ESRP1: variants seen among roughly 807,000 people sequenced by gnomAD.
ESRP1 encodes the protein epithelial splicing regulatory protein 1, also known as RNA-binding motif protein 35A.
ESRP1 carries 33 observed loss-of-function variants against 81.7 expected under a neutral mutation model. That is an observed-to-expected ratio of 0.40 (90% CI 0.31 to 0.54). ESRP1 has a LOEUF of 0.54. ESRP1 is among the 20% of genes least tolerant of loss of function. ESRP1 has a pLI of 0.41. For missense variants in ESRP1, 672 were observed against 833.1 expected, an observed-to-expected ratio of 0.81 and a Z score of 2.38; for synonymous variants, 320 against 303.3, an observed-to-expected ratio of 1.06 and a Z score of -0.57.
chr8:94,663,132 C>T (rs1449336535), intron 6 of ESRP1, among the ~76,000 whole-genome samples: 1 of 152,034 alleles, frequency 6.6e-6, no homozygotes, highest in African/African-American at 2.4e-5. Context: ...TTTTGGTCTC[C>T]CCAAACTATC....
rs567681008 is a variant in ESRP1, at chr8:94,659,372, C to T, written c.491-2900C>T. On this transcript the variant is annotated intron_variant, in intron 4 of 15. Transcript: ENST00000433389. ...TTACTGGTGTAATTGTTTTGGGGCA[C>T]CATAAAGCAGGGCCATATTAGGTGG... 2.0e-4 allele frequency among the ~76,000 whole-genome samples: 30 copies of T among 152,192 alleles called. No individual in the cohort carries two copies. The South Asian group carries it at 6.0e-3, about 31-fold the overall frequency.
intron 10 of ESRP1, 34 bp downstream of exon 10, chr8:94,668,284 C>A: frequency 6.6e-7 from 1 of 1,514,348 alleles, no homozygotes; most frequent in Non-Finnish European, 8.9e-7. Flanking sequence ...TGTACCTTTG[C>A]ATTAATTTCT....
At position 94,678,371 on chromosome 8, in the gene ESRP1, G is replaced by C; in HGVS notation, c.1820G>C (p.Ser607Thr). ...ATGAATTACACAGCGTACTATCCCAGGTAAGGCTCTGACAGAGGTGGAAAT... is the reference window on the plus strand; with the variant it reads ...ATGAATTACACAGCGTACTATCCCACGTAAGGCTCTGACAGAGGTGGAAAT... ...LFMNYTAYYP[S>T]PPGSPNSLGY... Residue 607 changes from serine to threonine, a missense_variant and splice_region_variant, in exon 13 of 16, where the codon AGC becomes ACC. Ser to Thr is a moderately conservative substitution (Grantham distance 58). Coordinates refer to ENST00000433389, the MANE Select transcript of ESRP1 (RefSeq NM_017697.4). The C allele has an allele frequency of 6.2e-7, 1 of 1,611,574 alleles. No individual in the cohort carries two copies. Among genetic ancestry groups the C allele is most frequent in the South Asian group, 1.1e-5 (1 of 90,604 alleles).
chr8:94,673,374 G>A lies in ESRP1; in HGVS notation c.1453-934G>A, dbSNP rs997479707. On this transcript the variant is annotated intron_variant, in intron 11 of 15. Coordinates refer to ENST00000433389, the MANE Select transcript of ESRP1 (RefSeq NM_017697.4). ...TGCACAAACTCTTAGGTGCCTTGAG[G>A]ATGTTAGGTTTCCATCTTGGACTGG... Among the ~76,000 whole-genome samples the A allele has an allele frequency of 9.9e-5, 15 of 152,190 alleles. 1 individual carries two copies. The highest frequency in any genetic ancestry group is 1.8e-4 in the Non-Finnish European group (12 of 68,034).
intron 2 of ESRP1, among the ~76,000 whole-genome samples, 195 bp from the exon 3 acceptor site, chr8:94,643,108 T>C (rs1008398042): frequency 6.6e-6 from 1 of 152,186 alleles, no homozygotes; most frequent in Non-Finnish European, 1.5e-5. Flanking sequence ...AACTGCGGAT[T>C]GATTGGAAAG....
Position 94,641,942 on chromosome 8 carries a change from C to G in ESRP1, c.133-14C>G, listed in dbSNP as rs1348154308. 3 of 1,613,430 alleles carry G rather than the reference C, an allele frequency of 1.9e-6. No homozygotes were observed. The highest frequency in any genetic ancestry group is 2.5e-6 in the Non-Finnish European group (3 of 1,179,518). Reference sequence around the variant, plus strand: ...AATTGGGGGAAACTGACCCGTGCTTCTCTACCTTCGGAGGTGGGACAGTTG... The same window carrying G: ...AATTGGGGGAAACTGACCCGTGCTTGTCTACCTTCGGAGGTGGGACAGTTG... On this transcript the variant is annotated splice_polypyrimidine_tract_variant and intron_variant, in intron 1 of 15. Coordinates refer to ENST00000433389, the MANE Select transcript of ESRP1 (RefSeq NM_017697.4).
intron 13 of ESRP1, among the ~76,000 whole-genome samples, chr8:94,691,050 G>C (rs1341641461): frequency 6.6e-6 from 1 of 152,168 alleles, no homozygotes; most frequent in East Asian, 1.9e-4. Flanking sequence ...CAAAAATGAA[G>C]AGGTATGACT....
intron 4 of ESRP1, among the ~76,000 whole-genome samples, chr8:94,656,917 T>C (rs984292248): frequency 2.0e-5 from 3 of 152,210 alleles, no homozygotes; most frequent in African/African-American, 7.2e-5. Flanking sequence ...TTTTAGGTAA[T>C]TGGGAAGGAT....
At chr8:94,662,426 C>T (rs928808045) in intron 5 of ESRP1, 56 bp downstream of exon 5, 4 of 1,537,654 alleles carry the variant, frequency 2.6e-6, no homozygotes, top group Non-Finnish European at 3.5e-6. Context: ...TTTTCTCTTA[C>T]CTATACTCAA....
At chr8:94,699,175 G>A (rs1023883288) in intron 15 of ESRP1, among the ~76,000 whole-genome samples, 7 of 152,128 alleles carry the variant, frequency 4.6e-5, no homozygotes, top group African/African-American at 1.7e-4. Context: ...CACCAGAAAT[G>A]TCCTAAACTG....
At chr8:94,682,788 T>C (rs1808947843) in intron 13 of ESRP1, among the ~76,000 whole-genome samples, 1 of 150,278 alleles carries the variant, frequency 6.7e-6, no homozygotes, top group African/African-American at 2.5e-5. Context: ...GAATAACCAT[T>C]GTCTTTCTTG....
chr8:94,668,373 A>G (rs1819127997), intron 10 of ESRP1, 123 bp downstream of exon 10: 1 of 923,472 alleles, frequency 1.1e-6, no homozygotes, highest in Non-Finnish European at 1.6e-6. Context: ...GTGTAACTGC[A>G]TGAAAATAGT....
Position 94,641,945 on chromosome 8 carries a change from T to C in ESRP1, c.133-11T>C. On this transcript the variant is annotated splice_polypyrimidine_tract_variant and intron_variant, in intron 1 of 15. Transcript: ENST00000433389. ...TGGGGGAAACTGACCCGTGCTTCTC[T>C]ACCTTCGGAGGTGGGACAGTTGCAC... The C allele has an allele frequency of 6.2e-7, 1 of 1,613,138 alleles. No homozygotes were observed. Among genetic ancestry groups the C allele is most frequent in the South Asian group, 1.1e-5 (1 of 91,064 alleles).
intron 13 of ESRP1, among the ~76,000 whole-genome samples, chr8:94,681,632 G>T (rs1441260278): frequency 1.3e-5 from 2 of 151,300 alleles, no homozygotes; most frequent in African/African-American, 4.9e-5. Flanking sequence ...GCGAGACTCC[G>T]TCTCAAAAAA....
At chr8:94,645,374 G>A in intron 3 of ESRP1, among the ~76,000 whole-genome samples, 1 of 151,740 alleles carries the variant, frequency 6.6e-6, no homozygotes, top group East Asian at 1.9e-4. Flanking sequence ...TCTGAATTGA[G>A]TTTTTAAAAG....
chr8:94,685,189 A>G (rs898448519), intron 13 of ESRP1, among the ~76,000 whole-genome samples: 1 of 152,160 alleles, frequency 6.6e-6, no homozygotes, highest in African/African-American at 2.4e-5. Context: ...GAAGAGTATT[A>G]TAAGTCTTAT....
At chr8:94,657,478 T>C (rs1485137586) in intron 4 of ESRP1, among the ~76,000 whole-genome samples, 2 of 149,408 alleles carry the variant, frequency 1.3e-5, no homozygotes, top group Non-Finnish European at 3.0e-5. Context: ...TGTGCGTGTG[T>C]GTGTGTGTGT....
chr8:94,689,316 G>T (rs1175343716), intron 13 of ESRP1, among the ~76,000 whole-genome samples: 6 of 126,628 alleles, frequency 4.7e-5, no homozygotes, highest in African/African-American at 1.3e-4. Flanking sequence ...TTATTTAGAT[G>T]ATCTTTTTTC....
At chr8:94,685,857 G>A (rs1458765115) in intron 13 of ESRP1, among the ~76,000 whole-genome samples, 2 of 152,050 alleles carry the variant, frequency 1.3e-5, no homozygotes, top group Non-Finnish European at 2.9e-5. Flanking sequence ...AGATTGAATG[G>A]TAAAATTCAT....
Sources: allele counts gnomAD v4.1 joint callset (sites outside exome capture counted in the v4.1 genomes callset), GRCh38; gene constraint gnomAD v4.1.1; transcripts MANE v1.5; gene names NCBI Gene and HGNC (gene_info 2026-07-23, HGNC 2026-07-21).